LCORL: variants seen among roughly 807,000 people sequenced by gnomAD.
LCORL encodes ligand-dependent nuclear receptor corepressor-like protein.
LCORL carries 41 observed loss-of-function variants against 141.8 expected under a neutral mutation model. The observed-to-expected ratio is 0.29, with a 90% CI of 0.23 to 0.38. LCORL has a LOEUF of 0.38. Ranked by LOEUF, LCORL falls within the 10% of genes least tolerant of loss-of-function variation. LCORL has a pLI of 1.00. For missense variants in LCORL, 1,759 were observed against 2,035.0 expected (o/e 0.86, Z 2.61); for synonymous variants, 618 against 694.1 (o/e 0.89, Z 1.72).
At chr4:17,875,576 C>A in exon 7 of LCORL, 1 of 1,231,222 alleles carries the variant, frequency 8.1e-7, no homozygotes, top group Non-Finnish European at 1.0e-6. Context: ...CTGTAATACT[C>A]TTTTTATAAA....
chr4:17,939,251 C>G (rs529764849), intron 4 of LCORL, among the ~76,000 whole-genome samples: 21 of 152,292 alleles, frequency 1.4e-4, no homozygotes, highest in African/African-American at 5.1e-4. Context: ...CCCACTAGAA[C>G]AGCTAGTAAC....
exon 7 of LCORL, chr4:17,873,459 A>G: frequency 8.1e-7 from 1 of 1,233,734 alleles, no homozygotes; most frequent in Non-Finnish European, 1.0e-6. Flanking sequence ...TTTTGTTGAC[A>G]TTTCTGTGAT....
intron 5 of LCORL, chr4:17,893,198 C>T (rs1354445046): frequency 4.9e-6 from 1 of 202,604 alleles, no homozygotes; most frequent in Non-Finnish European, 8.7e-6. Flanking sequence ...TGCCCCTACC[C>T]CTACTACCAT....
intron 4 of LCORL, among the ~76,000 whole-genome samples, chr4:17,933,189 T>C (rs1457125010): frequency 1.3e-5 from 2 of 152,136 alleles, no homozygotes; most frequent in Non-Finnish European, 2.9e-5. Context: ...TAGTGAGCTA[T>C]GTAGTTTCAA....
chr4:17,988,144 C>G (rs544430559), intron 1 of LCORL, among the ~76,000 whole-genome samples: 24 of 152,304 alleles, frequency 1.6e-4, no homozygotes, highest in African/African-American at 5.8e-4. Context: ...CTGCCTGTTG[C>G]CATCCACGTA....
chr4:17,908,237 G>T (rs1017004343), intron 5 of LCORL, among the ~76,000 whole-genome samples: 13 of 152,074 alleles, frequency 8.5e-5, no homozygotes, highest in Admixed American at 3.9e-4. Context: ...TCTCCATGTT[G>T]GTCAGGCTGG....
At chr4:17,921,020 TTTTAA>T (rs1306986122) in intron 4 of LCORL, among the ~76,000 whole-genome samples, 1 of 152,172 alleles carries the variant, frequency 6.6e-6, no homozygotes, top group Admixed American at 6.5e-5. Context: ...AATGTTCTTT[TTTTAA>T]TTTATTTTTT....
chr4:17,960,963 C>T (rs1320557177), intron 4 of LCORL, among the ~76,000 whole-genome samples: 1 of 151,992 alleles, frequency 6.6e-6, no homozygotes, highest in Non-Finnish European at 1.5e-5. Context: ...GAACTTAGAA[C>T]ACTTAAGACT....
At chr4:17,878,203 C>A in exon 7 of LCORL, 1 of 1,229,072 alleles carries the variant, frequency 8.1e-7, no homozygotes, top group South Asian at 4.1e-5. Context: ...GATTTTGCAT[C>A]AACAGTTGAA....
chr4:18,020,099 A>G (rs535829508), intron 1 of LCORL, among the ~76,000 whole-genome samples: 3 of 152,320 alleles, frequency 2.0e-5, no homozygotes, highest in Non-Finnish European at 4.4e-5. Flanking sequence ...CATCACTTAA[A>G]TGCCCCCTAA....
chr4:17,891,054 G>A (rs1409625434), intron 5 of LCORL, among the ~76,000 whole-genome samples: 1 of 151,860 alleles, frequency 6.6e-6, no homozygotes, highest in Non-Finnish European at 1.5e-5. Flanking sequence ...AATTATATTC[G>A]ACTGATTGCT....
intron 7 of LCORL, among the ~76,000 whole-genome samples, chr4:17,858,683 G>A (rs192385461): frequency 3.0e-4 from 45 of 151,778 alleles, no homozygotes; most frequent in African/African-American, 6.8e-4. Context: ...AGCCAAGATC[G>A]CGCCATTGCC....
chr4:17,981,465 G>C (rs1717973017), intron 1 of LCORL, among the ~76,000 whole-genome samples: 1 of 152,046 alleles, frequency 6.6e-6, no homozygotes, highest in African/African-American at 2.4e-5. Context: ...TCTACTTTCA[G>C]ATTTCCTTCA....
At chr4:17,845,978 G>T in intron 7 of LCORL, 77 bp from the exon 8 acceptor site, 1 of 1,219,668 alleles carries the variant, frequency 8.2e-7, no homozygotes, top group South Asian at 1.4e-5. Flanking sequence ...AGAACATTTA[G>T]TTGTAGTAGT....
intron 7 of LCORL, among the ~76,000 whole-genome samples, chr4:17,851,719 G>T (rs1025026102): frequency 5.9e-5 from 9 of 152,138 alleles, no homozygotes; most frequent in Admixed American, 3.9e-4. Flanking sequence ...CTGGGTCAAA[G>T]GGTGCTTTTA....
chr4:17,842,752 G>C lies in LCORL; in HGVS notation c.*3136C>G, dbSNP rs114832458. ...GTCTATAATTTGGGTATATTGTGTGGTAGAGTGTTTTATTTTTGGCTTCTG... is the reference window on the plus strand; with the variant it reads ...GTCTATAATTTGGGTATATTGTGTGCTAGAGTGTTTTATTTTTGGCTTCTG... On this transcript the variant is annotated 3_prime_UTR_variant, in exon 8 of 8. Transcript: ENST00000635767. The C allele has an allele frequency of 7.3e-3, 1,308 of 178,316 alleles. 27 individuals carry two copies. Among genetic ancestry groups the C allele is most frequent in the African/African-American group, 0.03 (1,240 of 41,928 alleles). 11.0% of individuals were successfully genotyped at this position (178,316 alleles called of 1,614,324 possible).
intron 1 of LCORL, among the ~76,000 whole-genome samples, chr4:18,006,603 G>A (rs951137443): frequency 2.6e-5 from 4 of 152,186 alleles, no homozygotes; most frequent in African/African-American, 9.7e-5. Flanking sequence ...CACAGTCATA[G>A]TGGAAAGTGA....
intron 4 of LCORL, among the ~76,000 whole-genome samples, chr4:17,914,231 C>A (rs528865277): frequency 2.8e-4 from 43 of 152,150 alleles, no homozygotes; most frequent in African/African-American, 1.0e-3. Flanking sequence ...CACCTTTTTT[C>A]AAATCTAATC....
At chr4:17,854,908 C>T (rs1577250364) in intron 7 of LCORL, among the ~76,000 whole-genome samples, 1 of 151,964 alleles carries the variant, frequency 6.6e-6, no homozygotes, top group South Asian at 2.1e-4. Flanking sequence ...TTGATACAGC[C>T]AATTTTAGGA....
Sources: allele counts gnomAD v4.1 joint callset (sites outside exome capture counted in the v4.1 genomes callset), GRCh38; gene constraint gnomAD v4.1.1; transcripts MANE v1.5; gene names NCBI Gene and HGNC (gene_info 2026-07-23, HGNC 2026-07-21).